Variants in CNBD2 observed in about 807,000 individuals in gnomAD.
CNBD2 encodes the protein cyclic nucleotide binding domain containing 2, also known as cyclic nucleotide-binding domain-containing protein 2.
A neutral mutation model predicts 63.7 loss-of-function variants in CNBD2; 64 were observed. The ratio of observed to expected loss-of-function variants is 1.00; its 90% confidence interval spans 0.82 to 1.24. The LOEUF (loss-of-function observed/expected upper bound fraction) is 1.24, where lower values mean the gene tolerates loss of function less well. CNBD2 is among the 50% of genes most tolerant of loss of function. The pLI, the probability that CNBD2 is intolerant of heterozygous loss-of-function variation, is 0.00. For missense variants in CNBD2, 691 were observed against 713.5 expected, an observed-to-expected ratio of 0.97 and a Z score of 0.36; for synonymous variants, 229 against 255.4, an observed-to-expected ratio of 0.90 and a Z score of 0.99.
intron 10 of CNBD2, among the ~76,000 whole-genome samples, chr20:36,014,298 A>C (rs953264523): frequency 1.7e-4 from 26 of 150,520 alleles, no homozygotes; most frequent in African/African-American, 5.6e-4. Context: ...CACACTTAAC[A>C]CTTGGATCTT....
At chr20:35,990,955 TA>T (rs1188870205) in intron 7 of CNBD2, among the ~76,000 whole-genome samples, 1 of 150,982 alleles carries the variant, frequency 6.6e-6, no homozygotes, top group East Asian at 1.9e-4. Context: ...AAAATTAATT[TA>T]AAAAAAAAGC....
At chr20:35,975,851 C>A (rs2056509447) in intron 2 of CNBD2, 98 bp from the exon 3 acceptor site, 4 of 1,125,332 alleles carry the variant, frequency 3.6e-6, no homozygotes, top group African/African-American at 3.1e-5. Flanking sequence ...GGCTTCCTGC[C>A]CACCATGGTG....
chr20:35,995,939 G>A (rs2056818828), intron 8 of CNBD2, among the ~76,000 whole-genome samples: 2 of 152,186 alleles, frequency 1.3e-5, no homozygotes, highest in Admixed American at 6.5e-5. Context: ...GGCTGCATCT[G>A]GTGAAGGACT....
intron 11 of CNBD2, 84 bp from the exon 12 acceptor site, chr20:36,030,273 G>A: frequency 7.5e-7 from 1 of 1,325,420 alleles, no homozygotes; most frequent in Non-Finnish European, 1.1e-6. Context: ...AGCGCCACAT[G>A]CTTAGGGAGG....
chr20:35,976,313 G>C (rs2147219110), intron 3 of CNBD2, among the ~76,000 whole-genome samples: 1 of 152,334 alleles, frequency 6.6e-6, no homozygotes, highest in South Asian at 2.1e-4. Flanking sequence ...TAAAGCAGAG[G>C]ATGTGAGAGT....
upstream of CNBD2, chr20:35,954,557 G>A: frequency 6.7e-7 from 1 of 1,487,650 alleles, no homozygotes; most frequent in Non-Finnish European, 9.0e-7. Flanking sequence ...CGGAAGCGGC[G>A]CCCTCTAGCG....
rs1348542588 is a variant in CNBD2, at chr20:36,023,647, C to A, written c.1315C>A (p.Pro439Thr). ...FLPEGECDTRPLILMSLGNEL... is the reference protein window; with the variant it reads ...FLPEGECDTRTLILMSLGNEL... ...TCCAGAGGGTGAATGCGACACACGA[C>A]CCTTGATCCTGATGAGCCTGGGAAA... Residue 439 changes from proline to threonine, a missense_variant, in exon 11 of 12, where the codon CCC becomes ACC. Physicochemically the swap from Pro to Thr is conservative, Grantham distance 38. Transcript: ENST00000373973. 3 of 1,613,236 alleles carry A rather than the reference C, an allele frequency of 1.9e-6. No homozygotes were observed. Among genetic ancestry groups the A allele is most frequent in the African/African-American group, 2.7e-5 (2 of 74,858 alleles).
chr20:35,973,013 T>C, intron 2 of CNBD2: 2 of 526,864 alleles, frequency 3.8e-6, no homozygotes, highest in Middle Eastern at 9.5e-4. Context: ...CAGGCAACGC[T>C]GGACCAAGGC....
rs1336813249 is a variant in CNBD2, at chr20:36,030,356, G to A, written c.1440-1G>A. On this transcript the variant is annotated splice_acceptor_variant, in intron 11 of 11. Coordinates refer to ENST00000373973, the MANE Select transcript of CNBD2 (RefSeq NM_001365709.1). LOFTEE classifies it high-confidence loss of function. ...CCTCGGCTTCTGTGCCTGCCCTTTA[G>A]TGATGAAGATATGTGCCAGAAGTTC... is the stretch of plus-strand genomic sequence containing the variant. 6.2e-7 allele frequency: 1 copy of A among 1,614,084 alleles called. No individual in the cohort carries two copies. The highest frequency in any genetic ancestry group is 2.2e-5 in the East Asian group (1 of 44,872).
chr20:36,011,830 A>T (rs999451139), intron 10 of CNBD2, among the ~76,000 whole-genome samples: 2 of 152,214 alleles, frequency 1.3e-5, no homozygotes, highest in African/African-American at 4.8e-5. Flanking sequence ...TAGAGAGTCC[A>T]TTGCTTTCCT....
At chr20:35,972,591 G>T in intron 1 of CNBD2, 38 bp from the exon 2 acceptor site, 1 of 1,609,378 alleles carries the variant, frequency 6.2e-7, no homozygotes, top group Non-Finnish European at 8.5e-7. Context: ...GTTGAGAACA[G>T]ATGGTTTCTA....
intron 5 of CNBD2, 123 bp from the exon 6 acceptor site, chr20:35,984,504 G>T: frequency 9.8e-7 from 1 of 1,025,194 alleles, no homozygotes; most frequent in East Asian, 2.6e-5. Flanking sequence ...AGGAGGCTAG[G>T]GAACACACAG....
chr20:36,018,298 G>A (rs1601098544), intron 10 of CNBD2, among the ~76,000 whole-genome samples: 1 of 152,142 alleles, frequency 6.6e-6, no homozygotes, highest in Non-Finnish European at 1.5e-5. Flanking sequence ...GGTCTGTTTT[G>A]TCCAGGCCCT....
At chr20:36,017,054 G>T (rs1323616832) in intron 10 of CNBD2, among the ~76,000 whole-genome samples, 3 of 123,092 alleles carry the variant, frequency 2.4e-5, no homozygotes, top group African/African-American at 1.0e-4. Context: ...ATGAGAGCCT[G>T]TCTCAAAAAA....
chr20:35,986,015 G>A (rs765176406), intron 6 of CNBD2, among the ~76,000 whole-genome samples: 12 of 152,182 alleles, frequency 7.9e-5, no homozygotes, highest in East Asian at 1.9e-4. Flanking sequence ...AGTAAGCACC[G>A]TAACTGGGTA....
At chr20:35,972,478 ATTCCTGAAAAT>A (rs1408867439) in intron 1 of CNBD2, 140 bp from the exon 2 acceptor site, 1 of 708,860 alleles carries the variant, frequency 1.4e-6, no homozygotes, top group Non-Finnish European at 2.3e-6. Context: ...GGCTTGCAAA[ATTCCTGAAAAT>A]GTAACCATCA....
intron 7 of CNBD2, among the ~76,000 whole-genome samples, chr20:35,993,600 C>T (rs1188630188): frequency 2.6e-5 from 4 of 151,942 alleles, no homozygotes; most frequent in Admixed American, 6.6e-5. Context: ...TAAATGAATT[C>T]GTTGATGAAA....
intron 9 of CNBD2, among the ~76,000 whole-genome samples, chr20:36,009,320 G>C (rs2147324486): frequency 6.6e-6 from 1 of 151,738 alleles, no homozygotes; most frequent in East Asian, 2.0e-4. Flanking sequence ...TCCTGCCTCA[G>C]CCTCCCGAGT....
At chr20:35,990,845 G>A (rs936846198) in intron 7 of CNBD2, among the ~76,000 whole-genome samples, 2 of 151,920 alleles carry the variant, frequency 1.3e-5, no homozygotes, top group South Asian at 2.1e-4. Flanking sequence ...CAGCTACTCA[G>A]GAGGCTGAGG....
Sources: allele counts gnomAD v4.1 joint callset (sites outside exome capture counted in the v4.1 genomes callset), GRCh38; gene constraint gnomAD v4.1.1; transcripts MANE v1.5; gene names NCBI Gene and HGNC (gene_info 2026-07-23, HGNC 2026-07-21).